The following MPHOSPH9 variants were observed in gnomAD, a reference collection of about 807,000 sequenced individuals.
MPHOSPH9 encodes the protein M-phase phosphoprotein 9.
Under a neutral mutation model 145.5 loss-of-function variants are expected in MPHOSPH9, and 88 were observed. The ratio of observed to expected loss-of-function variants is 0.60; its 90% CI spans 0.51 to 0.72. MPHOSPH9 has a LOEUF of 0.72. Ranked by LOEUF, MPHOSPH9 falls within the 30% of genes least tolerant of loss-of-function variation. The pLI, the probability that MPHOSPH9 is intolerant of heterozygous loss-of-function variation, is 0.00. For missense variants in MPHOSPH9, 1,238 were observed against 1,386.6 expected (o/e 0.89, Z 1.70); for synonymous variants, 435 against 486.2 (o/e 0.89, Z 1.39).
chr12:123,166,599 A>C, intron 17 of MPHOSPH9, 56 bp downstream of exon 17: 1 of 1,581,842 alleles, frequency 6.3e-7, no homozygotes, highest in South Asian at 1.2e-5. Context: ...AAAGCAATTG[A>C]AATCTCTAAG....
intron 13 of MPHOSPH9, among the ~76,000 whole-genome samples, chr12:123,186,534 G>A (rs1283019496): frequency 6.6e-6 from 1 of 152,058 alleles, no homozygotes; most frequent in Admixed American, 6.6e-5. Context: ...TCATGTCATA[G>A]GCAATAAAAC....
At chr12:123,240,111 C>A (rs1432788492) in intron 1 of MPHOSPH9, among the ~76,000 whole-genome samples, 1 of 151,696 alleles carries the variant, frequency 6.6e-6, no homozygotes, top group East Asian at 1.9e-4. Context: ...CGCCTGTAAT[C>A]CCAGCACTTT....
rs377459212 is a variant in MPHOSPH9, at chr12:123,214,852, A to G, written c.997-18T>C. 2 of 1,587,842 alleles carry G rather than the reference A, an allele frequency of 1.3e-6. No individual in the cohort carries two copies. Among genetic ancestry groups the G allele is most frequent in the South Asian group, 1.1e-5 (1 of 90,412 alleles). ...AAATCAGACTACAAGAAAGAAAACT[A>G]TTGATTGACAGCTAAAAGTCATTAG... On this transcript the variant is annotated intron_variant, in intron 6 of 23. Coordinates refer to ENST00000606320, the MANE Select transcript of MPHOSPH9 (RefSeq NM_022782.4).
rs553747346 is a variant in MPHOSPH9, at chr12:123,229,166, G to A, written c.104+1095C>T. Among the ~76,000 whole-genome samples the A allele has an allele frequency of 1.2e-4, 19 of 152,196 alleles. 1 individual carries two copies. The highest frequency in any genetic ancestry group is 7.9e-4 in the Admixed American group (12 of 15,278). On this transcript the variant is annotated intron_variant, in intron 2 of 23. Transcript: ENST00000606320. ...ATACACAATTTCTTCAAGACCTACC[G>A]TGTTTAAAGCTCCTTGCCCCTTTAC...
chr12:123,161,360 T>C lies in MPHOSPH9; in HGVS notation c.3157A>G (p.Thr1053Ala), dbSNP rs1256276823. The C allele has an allele frequency of 1.2e-6, 2 of 1,613,982 alleles. No homozygotes were observed. Among genetic ancestry groups the C allele is most frequent in the Admixed American group, 1.7e-5 (1 of 59,998 alleles). ...SEEKTYSEKA[T>A]DNHVNHSSCP... is the part of the protein sequence containing the mutation. ...GAGCTATGATTAACATGGTTATCGG[T>C]GGCTTTCTCAGAATAAGTTTTTTCT... Residue 1053 changes from threonine (T) to alanine (A), a missense_variant, in exon 22 of 24, where the codon ACC becomes GCC. Coordinates refer to ENST00000606320, the MANE Select transcript of MPHOSPH9 (RefSeq NM_022782.4).
chr12:123,207,755 A>G (rs1420566124), intron 8 of MPHOSPH9, among the ~76,000 whole-genome samples: 1 of 151,672 alleles, frequency 6.6e-6, no homozygotes, highest in Non-Finnish European at 1.5e-5. Flanking sequence ...TGGAAGGTTG[A>G]GGTGGGAGAA....
chr12:123,218,526 A>C (rs1208344327), intron 5 of MPHOSPH9, 27 bp from the exon 6 acceptor site: 8 of 1,588,172 alleles, frequency 5.0e-6, no homozygotes, highest in East Asian at 4.5e-5. Context: ...AACCAAAATT[A>C]CTTTTTTTTT....
intron 16 of MPHOSPH9, among the ~76,000 whole-genome samples, chr12:123,173,538 C>G (rs1050304413): frequency 1.3e-5 from 2 of 152,164 alleles, no homozygotes; most frequent in Non-Finnish European, 2.9e-5. Context: ...AGGATCTGAA[C>G]AGAAAGGCCT....
intron 21 of MPHOSPH9, among the ~76,000 whole-genome samples, chr12:123,161,677 A>G (rs1225623246): frequency 6.6e-6 from 1 of 152,046 alleles, no homozygotes; most frequent in African/African-American, 2.4e-5. Flanking sequence ...AAAAAAAAAA[A>G]AAGCTTAAAA....
intron 8 of MPHOSPH9, among the ~76,000 whole-genome samples, chr12:123,207,862 A>G (rs2046507471): frequency 1.8e-5 from 1 of 54,154 alleles, no homozygotes; most frequent in African/African-American, 6.1e-5. Context: ...CAAAGAAAAA[A>G]AAAAAAGAAA....
upstream of MPHOSPH9, among the ~76,000 whole-genome samples, chr12:123,237,559 G>T (rs1273787141): frequency 6.6e-6 from 1 of 152,186 alleles, no homozygotes; most frequent in Non-Finnish European, 1.5e-5. Context: ...ATTTAGACCA[G>T]ACCTAGAGTA....
At chr12:123,208,741 A>AT (rs925036805) in intron 8 of MPHOSPH9, among the ~76,000 whole-genome samples, 7 of 148,462 alleles carry the variant, frequency 4.7e-5, no homozygotes, top group East Asian at 2.0e-4. Context: ...ACTAACCAGC[A>AT]TTTTTTTTTT....
intron 8 of MPHOSPH9, among the ~76,000 whole-genome samples, chr12:123,205,517 G>A (rs538001815): frequency 6.6e-6 from 1 of 152,218 alleles, no homozygotes; most frequent in South Asian, 2.1e-4. Flanking sequence ...CTGCATTCCA[G>A]CCTGTGAAAC....
rs958725409 is a variant in MPHOSPH9, at chr12:123,225,548, G to A, written c.258+1915C>T. On this transcript the variant is annotated intron_variant, in intron 3 of 23. Transcript: ENST00000606320. The stretch of plus-strand genomic sequence containing the variant: ...AGAAAGGAAGGGAGGGAGGGAGGGG[G>A]TGGGAGGGAGGGGAGAGGAGAGGTG... 5.3e-5 allele frequency among the ~76,000 whole-genome samples: 7 copies of A among 133,238 alleles called. No individual in the cohort carries two copies. In the East Asian group the frequency reaches 1.8e-3, roughly 34 times the overall value. 87.4% of individuals were successfully genotyped at this position (133,238 alleles called of 152,430 possible). A position where few individuals can be genotyped will look rare whatever the true frequency, so the allele number is the denominator to read the frequency against.
chr12:123,179,963 A>G lies in MPHOSPH9; in HGVS notation c.2317T>C (p.Leu773=). The G allele has an allele frequency of 6.8e-7, 1 of 1,462,898 alleles. No homozygotes were observed. The highest frequency in any genetic ancestry group is 1.3e-5 in the South Asian group (1 of 76,508). The allele number at this position is 1,462,898 out of a possible 1,614,324, so 90.6% of individuals were successfully genotyped here. A position where few individuals can be genotyped will look rare whatever the true frequency, so the allele number is the denominator to read the frequency against. Reference sequence around the variant, plus strand: ...GAAATCTGAGTATATGCATCAAGCAATTTGTTCTCAGTTGTATTTAATGCA... The same window carrying G: ...GAAATCTGAGTATATGCATCAAGCAGTTTGTTCTCAGTTGTATTTAATGCA... ...KDALNTTENK[L]LDAYTQISDL... The change falls in exon 15 of 24, where the codon TTG becomes CTG. Residue 773 remains leucine, a synonymous_variant. Coordinates refer to ENST00000606320, the MANE Select transcript of MPHOSPH9 (RefSeq NM_022782.4).
At chr12:123,164,172 G>A in intron 18 of MPHOSPH9, 82 bp from the exon 19 acceptor site, 2 of 1,421,558 alleles carry the variant, frequency 1.4e-6, no homozygotes, top group Non-Finnish European at 9.8e-7. Flanking sequence ...ATTAACAGGT[G>A]GTTACACATG....
chr12:123,161,339 T>G lies in MPHOSPH9; in HGVS notation c.3178A>C (p.Ser1060Arg). The change falls in exon 22 of 24, where the codon AGC (serine) becomes CGC (arginine). Residue 1060 changes from serine (S) to arginine (R), a missense_variant. By Grantham distance (110) the Ser-to-Arg change is moderately radical. Coordinates refer to ENST00000606320, the MANE Select transcript of MPHOSPH9 (RefSeq NM_022782.4). ...EKATDNHVNH[S>R]SCPEPVPNGV... ...TTTGGCACCGGTTCAGGGCAAGAGC[T>G]ATGATTAACATGGTTATCGGTGGCT... is the stretch of plus-strand genomic sequence containing the variant. 6.2e-7 allele frequency: 1 copy of G among 1,614,136 alleles called. No individual in the cohort carries two copies. Among genetic ancestry groups the G allele is most frequent in the Middle Eastern group, 1.6e-4 (1 of 6,062 alleles).
chr12:123,191,253 G>A (rs576774939), intron 13 of MPHOSPH9, among the ~76,000 whole-genome samples: 3 of 152,016 alleles, frequency 2.0e-5, no homozygotes, highest in Non-Finnish European at 4.4e-5. Flanking sequence ...CCTGAGAGGC[G>A]GAGGTTGTGG....
intron 16 of MPHOSPH9, among the ~76,000 whole-genome samples, chr12:123,170,731 G>A (rs139671712): frequency 1.3e-5 from 2 of 152,120 alleles, no homozygotes; most frequent in African/African-American, 4.8e-5. Flanking sequence ...GCAGCCTTTC[G>A]ACAATGCTAA....
Sources: allele counts gnomAD v4.1 joint callset (sites outside exome capture counted in the v4.1 genomes callset), GRCh38; gene constraint gnomAD v4.1.1; transcripts MANE v1.5; gene names NCBI Gene and HGNC (gene_info 2026-07-23, HGNC 2026-07-21).